PTPN9: variants seen among roughly 807,000 people sequenced by gnomAD.
PTPN9 encodes the protein protein tyrosine phosphatase non-receptor type 9.
PTPN9 carries 26 observed loss-of-function variants against 69.8 expected under a neutral mutation model. The ratio of observed to expected loss-of-function variants is 0.37; its 90% confidence interval spans 0.27 to 0.52. PTPN9 has a LOEUF of 0.52. Ranked by LOEUF, PTPN9 falls within the 20% of genes least tolerant of loss-of-function variation. PTPN9 has a pLI of 0.91. For synonymous variants in PTPN9, 274 were observed against 272.5 expected (o/e 1.01, Z -0.05); for missense variants, 549 against 740.3 (o/e 0.74, Z 3.00).
chr15:75,480,655 G>T, intron 8 of PTPN9: 1 of 1,236,178 alleles, frequency 8.1e-7, no homozygotes, highest in Non-Finnish European at 1.0e-6. Context: ...GGCCCCAGCT[G>T]CAGATATGAA....
At chr15:75,569,502 C>T (rs558849349) in intron 1 of PTPN9, among the ~76,000 whole-genome samples, 2 of 151,916 alleles carry the variant, frequency 1.3e-5, no homozygotes, top group South Asian at 2.1e-4. Context: ...GTCAGGAGTT[C>T]AAGAGCAGCC....
chr15:75,480,699 G>A (rs2074626109), intron 8 of PTPN9: 3 of 1,306,278 alleles, frequency 2.3e-6, no homozygotes, highest in Non-Finnish European at 3.0e-6. Context: ...CGCAGCCACC[G>A]CCGCCCCACA....
At chr15:75,509,619 A>G (rs1484744087) in intron 5 of PTPN9, among the ~76,000 whole-genome samples, 1 of 152,048 alleles carries the variant, frequency 6.6e-6, no homozygotes, top group Non-Finnish European at 1.5e-5. Context: ...CCCAGGAAGC[A>G]GAGGCTGCAG....
At position 75,578,750 on chromosome 15, in the gene PTPN9, G is replaced by A; in HGVS notation, c.27C>T (p.Pro9=). 7.7e-7 allele frequency: 1 copy of A among 1,300,834 alleles called. No homozygotes were observed. The highest frequency in any genetic ancestry group is 9.8e-7 in the Non-Finnish European group (1 of 1,025,484). 80.6% of individuals were successfully genotyped at this position (1,300,834 alleles called of 1,614,324 possible). A position where few individuals can be genotyped will look rare whatever the true frequency, so the allele number is the denominator to read the frequency against. ...CCGGGGTCAGCTCCGGCGCCATGTC[G>A]GGCCGGGGCGCGGTCGCGGGCTCCA... is the stretch of plus-strand genomic sequence containing the variant. The part of the protein sequence containing the change: MEPATAPR[P]DMAPELTPEE... Residue 9 remains proline, a synonymous_variant, in exon 1 of 13, where the codon CCC becomes CCT. Coordinates refer to ENST00000618819, the MANE Select transcript of PTPN9 (RefSeq NM_002833.4).
At chr15:75,472,900 A>T (rs977305638) in intron 10 of PTPN9, among the ~76,000 whole-genome samples, 4 of 151,940 alleles carry the variant, frequency 2.6e-5, no homozygotes, top group African/African-American at 9.7e-5. Flanking sequence ...GTGAGCCAAG[A>T]TCGTGCCACA....
At chr15:75,485,911 T>C (rs1280592700) in intron 8 of PTPN9, among the ~76,000 whole-genome samples, 34 of 150,824 alleles carry the variant, frequency 2.3e-4, no homozygotes, top group Non-Finnish European at 3.2e-4. Flanking sequence ...CCATCCTGGC[T>C]AACAAGGTGA....
chr15:75,531,976 C>A (rs1255544847), intron 1 of PTPN9, among the ~76,000 whole-genome samples: 2 of 152,116 alleles, frequency 1.3e-5, no homozygotes, highest in Admixed American at 6.6e-5. Flanking sequence ...ATTTTTCCTG[C>A]TACTTAGCTG....
At chr15:75,558,867 C>A (rs1340647826) in intron 1 of PTPN9, among the ~76,000 whole-genome samples, 2 of 152,204 alleles carry the variant, frequency 1.3e-5, no homozygotes, top group Non-Finnish European at 2.9e-5. Context: ...GTGGCGTGAT[C>A]TCGGCTCGCT....
At position 75,465,582 on chromosome 15, in the gene PTPN9, T is replaced by C. The variant is rs1282205722; in HGVS notation, c.*3187A>G. On this transcript the variant is annotated 3_prime_UTR_variant, in exon 13 of 13. Coordinates refer to ENST00000618819, the MANE Select transcript of PTPN9 (RefSeq NM_002833.4). ...ACAATGGCAGTGGGAGGAGTTCCTC[T>C]GAGTTTTACTGAAAATTTAGGAGAC... The C allele has an allele frequency of 2.0e-5, 3 of 152,210 alleles. No homozygotes were observed. The allele number at this position is 152,210 out of a possible 1,614,324, so 9.4% of individuals were successfully genotyped here. A position where few individuals can be genotyped will look rare whatever the true frequency, so the allele number is the denominator to read the frequency against.
chr15:75,498,668 T>C (rs897994249), intron 7 of PTPN9, among the ~76,000 whole-genome samples: 1 of 152,076 alleles, frequency 6.6e-6, no homozygotes, highest in African/African-American at 2.4e-5. Flanking sequence ...GGAGCTGAGA[T>C]TGCACCACAG....
Position 75,468,685 on chromosome 15 carries a change from G to A in PTPN9, c.*84C>T, listed in dbSNP as rs543075990. On this transcript the variant is annotated 3_prime_UTR_variant, in exon 13 of 13. Coordinates refer to ENST00000618819, the MANE Select transcript of PTPN9 (RefSeq NM_002833.4). Reference sequence around the variant, plus strand: ...AAAGAAGTTGATCCATGGCTTCAGCGTAACTGATGGCAACCTATAGGCTCA... The same window carrying A: ...AAAGAAGTTGATCCATGGCTTCAGCATAACTGATGGCAACCTATAGGCTCA... 301 of 1,231,574 alleles carry A rather than the reference G, an allele frequency of 2.4e-4. 1 individual carries two copies. The highest frequency in any genetic ancestry group is 4.0e-5 in the Admixed American group (2 of 50,484). 76.3% of individuals were successfully genotyped at this position (1,231,574 alleles called of 1,614,324 possible). A position where few individuals can be genotyped will look rare whatever the true frequency, so the allele number is the denominator to read the frequency against.
Position 75,565,526 on chromosome 15 carries a change from T to A in PTPN9, c.63+13188A>T, listed in dbSNP as rs572558248. ...AGCAGCATTCCTGACCTCTATCCACTAGATGCCAGTACCACCTCCCACAGT... is the reference window on the plus strand; with the variant it reads ...AGCAGCATTCCTGACCTCTATCCACAAGATGCCAGTACCACCTCCCACAGT... On this transcript the variant is annotated intron_variant, in intron 1 of 12. Transcript: ENST00000618819. 2.6e-5 allele frequency among the ~76,000 whole-genome samples: 4 copies of A among 152,282 alleles called. No individual in the cohort carries two copies. In the South Asian group the frequency reaches 8.3e-4, roughly 32 times the overall value.
chr15:75,486,765 G>A (rs1392607925), intron 8 of PTPN9, among the ~76,000 whole-genome samples: 1 of 149,784 alleles, frequency 6.7e-6, no homozygotes, highest in African/African-American at 2.4e-5. Flanking sequence ...AATATGTGAA[G>A]TAATGCATAT....
intron 10 of PTPN9, 200 bp from the exon 11 acceptor site, chr15:75,471,030 G>A: frequency 1.6e-6 from 1 of 621,916 alleles, no homozygotes; most frequent in South Asian, 2.5e-5. Flanking sequence ...GTTTCTGCAT[G>A]TACTCATATA....
chr15:75,511,844 A>AT (rs968669055), intron 5 of PTPN9, among the ~76,000 whole-genome samples: 9 of 146,644 alleles, frequency 6.1e-5, no homozygotes, highest in South Asian at 4.3e-4. Context: ...TTTCCTTTTA[A>AT]TTTTTTTTTT....
intron 7 of PTPN9, among the ~76,000 whole-genome samples, chr15:75,494,964 C>T (rs2074731579): frequency 6.6e-6 from 1 of 152,090 alleles, no homozygotes; most frequent in African/African-American, 2.4e-5. Flanking sequence ...GTGGAGGTTG[C>T]GGTGAGCTGA....
At chr15:75,543,924 A>G (rs1441395598) in intron 1 of PTPN9, among the ~76,000 whole-genome samples, 1 of 152,172 alleles carries the variant, frequency 6.6e-6, no homozygotes, top group African/African-American at 2.4e-5. Context: ...CAGCTGTTTC[A>G]CGAACTGCTA....
intron 12 of PTPN9, 105 bp downstream of exon 12, chr15:75,469,687 C>T: frequency 8.0e-7 from 1 of 1,251,686 alleles, no homozygotes. Context: ...ACCAAGGGAG[C>T]AAGTGAGTTC....
Position 75,464,251 on chromosome 15 carries a change from C to T in PTPN9, c.*4518G>A, listed in dbSNP as rs1288303906. On this transcript the variant is annotated 3_prime_UTR_variant, in exon 13 of 13. Transcript: ENST00000618819. ...GCTTGAGGCTGGAGTTCGAGACCAG[C>T]CTGGGCAACATAGTGAGATCCTGTC... 2 of 152,154 alleles carry T rather than the reference C, an allele frequency of 1.3e-5. No homozygotes were observed. Among genetic ancestry groups the T allele is most frequent in the Non-Finnish European group, 2.9e-5 (2 of 68,442 alleles). The allele number at this position is 152,154 out of a possible 1,614,324, so 9.4% of individuals were successfully genotyped here. A position where few individuals can be genotyped will look rare whatever the true frequency, so the allele number is the denominator to read the frequency against.
Sources: allele counts gnomAD v4.1 joint callset (sites outside exome capture counted in the v4.1 genomes callset), GRCh38; gene constraint gnomAD v4.1.1; transcripts MANE v1.5; gene names NCBI Gene and HGNC (gene_info 2026-07-23, HGNC 2026-07-21).